NUBPL: variants seen among roughly 807,000 people sequenced by gnomAD.
The protein encoded by NUBPL is NUBP iron-sulfur cluster assembly factor, mitochondrial.
NUBPL carries 31 observed loss-of-function variants against 45.7 expected under a neutral mutation model. The observed-to-expected ratio is 0.68, with a 90% confidence interval of 0.51 to 0.92. The LOEUF (loss-of-function observed/expected upper bound fraction) is 0.92. NUBPL is among the 40% of genes least tolerant of loss of function. The pLI, the probability that NUBPL is intolerant of heterozygous loss-of-function variation, is 0.00. For missense variants in NUBPL, 401 were observed against 398.7 expected (o/e 1.01, Z -0.05); for synonymous variants, 144 against 140.9 (o/e 1.02, Z -0.15).
intron 8 of NUBPL, chr14:31,846,026 C>A: frequency 4.4e-6 from 1 of 227,522 alleles, no homozygotes; most frequent in South Asian, 6.4e-5. Flanking sequence ...TGGCCCTAGC[C>A]TTCCTTCCCA....
intron 6 of NUBPL, among the ~76,000 whole-genome samples, chr14:31,742,900 C>T (rs561717155): frequency 6.6e-6 from 1 of 152,148 alleles, no homozygotes; most frequent in Admixed American, 6.5e-5. Flanking sequence ...AGCCACCGTG[C>T]CTGCCATCTC....
chr14:31,682,578 T>C (rs781653177), intron 6 of NUBPL, among the ~76,000 whole-genome samples: 85 of 152,134 alleles, frequency 5.6e-4, no homozygotes, highest in Non-Finnish European at 1.1e-3. Context: ...GTTTCATCTG[T>C]TTTTTTCTTT....
intron 3 of NUBPL, among the ~76,000 whole-genome samples, chr14:31,591,222 G>C (rs2139526162): frequency 6.6e-6 from 1 of 152,254 alleles, no homozygotes; most frequent in Non-Finnish European, 1.5e-5. Flanking sequence ...GAATGCAATG[G>C]TGTAATCTCT....
At chr14:31,581,498 C>G (rs1169686167) in intron 3 of NUBPL, among the ~76,000 whole-genome samples, 3 of 152,088 alleles carry the variant, frequency 2.0e-5, no homozygotes, top group African/African-American at 7.2e-5. Context: ...CCTTTTATGT[C>G]TGGCTTATTT....
chr14:31,769,270 GTC>G (rs1370159024), intron 6 of NUBPL, among the ~76,000 whole-genome samples: 2 of 152,104 alleles, frequency 1.3e-5, no homozygotes, highest in South Asian at 4.1e-4. Flanking sequence ...TCCTTTTAAT[GTC>G]TCTCTGGACT....
chr14:31,732,965 C>T (rs571534291), intron 6 of NUBPL, among the ~76,000 whole-genome samples: 105 of 152,154 alleles, frequency 6.9e-4, no homozygotes, highest in African/African-American at 2.4e-3. Flanking sequence ...TTGCCTATCC[C>T]AAGCGTGAGG....
At position 31,580,988 on chromosome 14, in the gene NUBPL, ATCTGGC is replaced by A. The variant is rs561895826; in HGVS notation, c.291+15942_291+15947del. ...ACAGTCTAATTTACTCCTTAAAAGG[ATCTGGC>A]TGTAATGTAGAGAATAGAGTATAGG... On this transcript the variant is annotated intron_variant, in intron 3 of 10. Coordinates refer to ENST00000281081, the MANE Select transcript of NUBPL (RefSeq NM_025152.3). 7.9e-5 allele frequency among the ~76,000 whole-genome samples: 12 copies of A among 152,312 alleles called. No homozygotes were observed. The South Asian group carries it at 2.3e-3, about 29-fold the overall frequency.
intron 10 of NUBPL, among the ~76,000 whole-genome samples, chr14:31,852,030 G>A (rs747438876): frequency 4.6e-4 from 70 of 152,176 alleles, no homozygotes; most frequent in Non-Finnish European, 9.6e-4. Flanking sequence ...TTAGATTCTC[G>A]AAGGGGATCT....
intron 3 of NUBPL, among the ~76,000 whole-genome samples, chr14:31,571,792 T>G (rs537173470): frequency 1.3e-5 from 2 of 152,266 alleles, no homozygotes; most frequent in East Asian, 3.9e-4. Context: ...CACTGTTGAT[T>G]TGTATTATTA....
intron 6 of NUBPL, among the ~76,000 whole-genome samples, chr14:31,703,377 C>A (rs1236125110): frequency 6.6e-6 from 1 of 152,212 alleles, no homozygotes; most frequent in African/African-American, 2.4e-5. Flanking sequence ...CTGAGGCTTT[C>A]TTTCCTTTTC....
chr14:31,689,042 C>A (rs1363287071), intron 6 of NUBPL, among the ~76,000 whole-genome samples: 1 of 151,094 alleles, frequency 6.6e-6, no homozygotes, highest in Admixed American at 6.6e-5. Flanking sequence ...TGTATATGTA[C>A]CATCTTTTCT....
intron 4 of NUBPL, among the ~76,000 whole-genome samples, chr14:31,621,071 T>C (rs2035046703): frequency 1.3e-5 from 2 of 152,200 alleles, no homozygotes; most frequent in African/African-American, 4.8e-5. Context: ...CTGGCGGCTT[T>C]GTTTACACTG....
intron 4 of NUBPL, among the ~76,000 whole-genome samples, chr14:31,626,451 T>G (rs2035210395): frequency 6.6e-6 from 1 of 152,210 alleles, no homozygotes; most frequent in Non-Finnish European, 1.5e-5. Context: ...ACTGTTTAGC[T>G]TTAGAATGTG....
rs115224627 is a variant in NUBPL at position 31,737,499 on chromosome 14, C to T, written c.514-50281C>T. ...TACTTATAACAATGTTTAAATAATT[C>T]GGGTTTGGCACAGTGGCTCACAGCT... On this transcript the variant is annotated intron_variant, in intron 6 of 10. Transcript: ENST00000281081. Among the ~76,000 whole-genome samples, 993 of 152,046 alleles carry T rather than the reference C, an allele frequency of 6.5e-3. 10 individuals carry two copies. The highest frequency in any genetic ancestry group is 0.022 in the African/African-American group (929 of 41,446).
chr14:31,633,593 C>T (rs918015105), intron 4 of NUBPL, among the ~76,000 whole-genome samples: 2 of 152,072 alleles, frequency 1.3e-5, no homozygotes, highest in African/African-American at 2.4e-5. Flanking sequence ...AGCTTTTGCT[C>T]GTTGTAGATA....
At chr14:31,704,130 G>A (rs920048321) in intron 6 of NUBPL, among the ~76,000 whole-genome samples, 2 of 152,150 alleles carry the variant, frequency 1.3e-5, no homozygotes, top group African/African-American at 4.8e-5. Flanking sequence ...GAGGGGTGGT[G>A]TTGGTTCTGT....
intron 4 of NUBPL, among the ~76,000 whole-genome samples, chr14:31,605,888 T>C (rs1362367231): frequency 7.5e-6 from 1 of 132,616 alleles, no homozygotes; most frequent in South Asian, 2.6e-4. Flanking sequence ...TCCTCCTCCT[T>C]GTCTCCTCCC....
chr14:31,793,327 C>T (rs988954148), intron 7 of NUBPL, among the ~76,000 whole-genome samples: 1 of 152,118 alleles, frequency 6.6e-6, no homozygotes, highest in Non-Finnish European at 1.5e-5. Context: ...TCAGTGAGTA[C>T]TCAAATCCTG....
chr14:31,743,977 A>G (rs1240067685), intron 6 of NUBPL, among the ~76,000 whole-genome samples: 1 of 152,186 alleles, frequency 6.6e-6, no homozygotes, highest in African/African-American at 2.4e-5. Context: ...TCTGTTTCTC[A>G]TCTTATGCAG....
Sources: allele counts gnomAD v4.1 joint callset (sites outside exome capture counted in the v4.1 genomes callset), GRCh38; gene constraint gnomAD v4.1.1; transcripts MANE v1.5; gene names NCBI Gene and HGNC (gene_info 2026-07-23, HGNC 2026-07-21).